The following HIBADH variants were observed in gnomAD, a reference collection of about 807,000 sequenced individuals.
HIBADH encodes the protein 3-hydroxyisobutyrate dehydrogenase.
In HIBADH, 25 loss-of-function variants were observed where a neutral mutation model predicts 36.1. That is an observed-to-expected ratio of 0.69 (90% CI 0.50 to 0.97). HIBADH has a LOEUF of 0.97. HIBADH is among the 50% of genes least tolerant of loss of function. The pLI is 0.00. For missense variants in HIBADH, 421 were observed against 418.0 expected, an observed-to-expected ratio of 1.01 and a Z score of -0.06; for synonymous variants, 160 against 149.5, an observed-to-expected ratio of 1.07 and a Z score of -0.51.
intron 4 of HIBADH, among the ~76,000 whole-genome samples, chr7:27,581,202 A>G (rs540093269): frequency 6.6e-6 from 1 of 152,306 alleles, no homozygotes; most frequent in African/African-American, 2.4e-5. Flanking sequence ...AGCCAGACCA[A>G]CATGGTCATC....
intron 1 of HIBADH, among the ~76,000 whole-genome samples, chr7:27,662,149 T>C (rs1020357349): frequency 1.3e-5 from 2 of 152,192 alleles, no homozygotes; most frequent in Non-Finnish European, 2.9e-5. Context: ...CCCGTCTTGC[T>C]GGTCAAGGGT....
At chr7:27,570,312 G>C (rs1363317289) in intron 4 of HIBADH, among the ~76,000 whole-genome samples, 2 of 152,262 alleles carry the variant, frequency 1.3e-5, no homozygotes, top group East Asian at 3.9e-4. Flanking sequence ...TCTGTTGGAT[G>C]CAAATTCTAA....
chr7:27,538,824 C>G (rs1041137562), intron 5 of HIBADH, among the ~76,000 whole-genome samples: 5 of 151,982 alleles, frequency 3.3e-5, no homozygotes, highest in African/African-American at 7.3e-5. Flanking sequence ...TTCAGAGCAA[C>G]AAGACCACTG....
intron 4 of HIBADH, among the ~76,000 whole-genome samples, chr7:27,618,340 T>A (rs7807597): frequency 3.9e-5 from 6 of 152,154 alleles, no homozygotes; most frequent in Non-Finnish European, 5.9e-5. Flanking sequence ...CATGGCAGCA[T>A]TGCTGCTATA....
At position 27,650,728 on chromosome 7, in the gene HIBADH, AAAG is replaced by A. The variant is rs199639977; in HGVS notation, c.92-1098_92-1096del. 5.3e-4 allele frequency among the ~76,000 whole-genome samples: 78 copies of A among 148,504 alleles called. 1 individual carries two copies. The highest frequency in any genetic ancestry group is 1.0e-3 in the East Asian group (5 of 4,772). ...GGCTGCCATTAAAAAAAAAAAAAAAAAAGCCTTAAAAACTACACAGGTTTTATT... is the reference window on the plus strand; with the variant it reads ...GGCTGCCATTAAAAAAAAAAAAAAAACCTTAAAAACTACACAGGTTTTATT... On this transcript the variant is annotated intron_variant, in intron 1 of 7. Coordinates refer to ENST00000265395, the MANE Select transcript of HIBADH (RefSeq NM_152740.4).
At chr7:27,575,537 T>A (rs1242076255) in intron 4 of HIBADH, among the ~76,000 whole-genome samples, 3 of 152,106 alleles carry the variant, frequency 2.0e-5, no homozygotes, top group African/African-American at 7.2e-5. Flanking sequence ...CTGAACAATT[T>A]ATCAGAAGTA....
At chr7:27,616,116 T>C (rs930498109) in intron 4 of HIBADH, among the ~76,000 whole-genome samples, 1 of 151,878 alleles carries the variant, frequency 6.6e-6, no homozygotes, top group Non-Finnish European at 1.5e-5. Flanking sequence ...CGGCAGAAAG[T>C]GAAGGGGAGC....
chr7:27,531,226 T>C lies in HIBADH; in HGVS notation c.818A>G (p.Tyr273Cys), dbSNP rs1481055743. 1.2e-6 allele frequency: 2 copies of C among 1,613,908 alleles called. No homozygotes were observed. Among genetic ancestry groups the C allele is most frequent in the Non-Finnish European group, 1.7e-6 (2 of 1,179,892 alleles). Residue 273 changes from tyrosine (Y) to cysteine (C), a missense_variant, in exon 7 of 8, where the codon TAT (tyrosine) becomes TGT (cysteine). By Grantham distance (194) the Tyr-to-Cys change is radical. Transcript: ENST00000265395. ...VMDGVPSANN[Y>C]QGGFGTTLMA... ...GAGTGTTGTTCCAAATCCACCCTGA[T>C]AGTTATTAGCCGAGGGAACGCCATC...
intron 7 of HIBADH, among the ~76,000 whole-genome samples, chr7:27,527,824 C>T (rs1335819434): frequency 2.1e-5 from 3 of 144,150 alleles, no homozygotes; most frequent in Non-Finnish European, 4.5e-5. Flanking sequence ...AATCTTGGCT[C>T]ACAGCAACCT....
Position 27,526,008 on chromosome 7 carries a change from T to C in HIBADH, c.*206A>G, listed in dbSNP as rs968388761. On this transcript the variant is annotated 3_prime_UTR_variant, in exon 8 of 8. Coordinates refer to ENST00000265395, the MANE Select transcript of HIBADH (RefSeq NM_152740.4). Reference sequence around the variant, plus strand: ...TAAGCTAGTTAGCAGAGACTATCAGTGGCTTGCAGAAAAAAAATTCGGATA... The same window carrying C: ...TAAGCTAGTTAGCAGAGACTATCAGCGGCTTGCAGAAAAAAAATTCGGATA... The C allele has an allele frequency of 2.7e-6, 1 of 364,784 alleles. No individual in the cohort carries two copies. Among genetic ancestry groups the C allele is most frequent in the African/African-American group, 2.1e-5 (1 of 47,640 alleles). 22.6% of individuals were successfully genotyped at this position (364,784 alleles called of 1,614,324 possible).
At chr7:27,563,851 T>C (rs1784501382) in intron 4 of HIBADH, among the ~76,000 whole-genome samples, 1 of 152,164 alleles carries the variant, frequency 6.6e-6, no homozygotes, top group Non-Finnish European at 1.5e-5. Context: ...GCAGCTTGTC[T>C]TTTCAGCCTC....
chr7:27,578,460 G>A (rs927010278), intron 4 of HIBADH, among the ~76,000 whole-genome samples: 1 of 151,776 alleles, frequency 6.6e-6, no homozygotes, highest in South Asian at 2.1e-4. Context: ...GATTACAGGC[G>A]CCCACCACCA....
At chr7:27,541,263 A>G (rs1439947918) in intron 5 of HIBADH, among the ~76,000 whole-genome samples, 1 of 152,010 alleles carries the variant, frequency 6.6e-6, no homozygotes, top group Non-Finnish European at 1.5e-5. Context: ...CTTGGTTGGC[A>G]GAAGCTACTT....
intron 4 of HIBADH, among the ~76,000 whole-genome samples, chr7:27,575,581 GGTGGATATAACTGTATAGCA>G (rs1194673412): frequency 6.6e-6 from 1 of 152,108 alleles, no homozygotes; most frequent in Non-Finnish European, 1.5e-5. Context: ...AGAACAGTGA[GGTGGATATAACTGTATAGCA>G]GTGGCATAGC....
intron 4 of HIBADH, among the ~76,000 whole-genome samples, chr7:27,563,900 C>CTTTT (rs56869443): frequency 3.0e-5 from 4 of 133,496 alleles, no homozygotes; most frequent in Non-Finnish European, 4.7e-5. Flanking sequence ...TGTTAATTTT[C>CTTTT]TTTTTTTTTT....
chr7:27,574,452 A>T (rs752701408), intron 4 of HIBADH, among the ~76,000 whole-genome samples: 2 of 152,188 alleles, frequency 1.3e-5, no homozygotes, highest in Non-Finnish European at 2.9e-5. Flanking sequence ...ACCTAAATAT[A>T]TTAGAAAATA....
At chr7:27,558,347 G>T (rs1002576110) in intron 4 of HIBADH, among the ~76,000 whole-genome samples, 4 of 151,626 alleles carry the variant, frequency 2.6e-5, no homozygotes, top group Non-Finnish European at 4.4e-5. Flanking sequence ...TTTTTTGGGG[G>T]GACAGGGTCT....
chr7:27,588,127 T>C (rs147823986), intron 4 of HIBADH, among the ~76,000 whole-genome samples: 1,801 of 152,262 alleles, frequency 0.012, 21 homozygotes, highest in Non-Finnish European at 0.018. Flanking sequence ...TAACTGTTGA[T>C]TACAAAACTA....
intron 4 of HIBADH, among the ~76,000 whole-genome samples, chr7:27,613,149 TTA>T (rs1785358325): frequency 2.2e-4 from 2 of 8,934 alleles, no homozygotes; most frequent in African/African-American, 2.6e-3. Flanking sequence ...TAAATATATT[TTA>T]TATAAATATA....
Sources: gnomAD v4.1 joint callset for allele counts (sites outside exome capture counted in the v4.1 genomes callset) on GRCh38, gnomAD v4.1.1 for gene constraint, MANE v1.5 for transcripts, NCBI Gene and HGNC (gene_info 2026-07-23, HGNC 2026-07-21) for gene names.